The following GPD2 variants were observed in gnomAD, a reference collection of about 807,000 sequenced individuals.
The protein encoded by GPD2 is glycerol-3-phosphate dehydrogenase 2.
GPD2 carries 54 observed loss-of-function variants against 82.4 expected under a neutral mutation model. That is an observed-to-expected ratio of 0.66 (90% confidence interval 0.53 to 0.82). The LOEUF (loss-of-function observed/expected upper bound fraction) is 0.82, where lower values mean the gene tolerates loss of function less well. Among genes scored for constraint, GPD2 ranks in the 40% least tolerant of loss-of-function variants. The probability of loss-of-function intolerance (pLI) is 0.00; values close to 1 mark genes in which losing one functional copy is unlikely to be tolerated. For missense variants in GPD2, 748 were observed against 896.2 expected (o/e 0.83, Z 2.11); for synonymous variants, 288 against 306.1 (o/e 0.94, Z 0.62).
chr2:156,455,052 A>G (rs960982066), intron 1 of GPD2, among the ~76,000 whole-genome samples: 29 of 151,872 alleles, frequency 1.9e-4, no homozygotes, highest in African/African-American at 7.0e-4. Flanking sequence ...TGTTTGAAGG[A>G]CTAAGGACTG....
In GPD2 at chr2:156,446,610, T is replaced by A. The variant is rs939655091; in HGVS notation, c.-9+10097T>A. Among the ~76,000 whole-genome samples the A allele has an allele frequency of 2.6e-5, 4 of 151,712 alleles. No individual in the cohort carries two copies. In the East Asian group the frequency reaches 7.8e-4, roughly 30 times the overall value. On this transcript the variant is annotated intron_variant, in intron 1 of 16. Transcript: ENST00000438166. ...TTTTTTTTAAGATGGAGTCTGGCTC[T>A]GGCACCCAGGCTGGAATGCAGTGGC...
chr2:156,421,951 A>C, the GPD2 span, among the ~76,000 whole-genome samples: 1 of 152,132 alleles, frequency 6.6e-6, no homozygotes, highest in African/African-American at 2.4e-5. Flanking sequence ...CATAGTGAGA[A>C]CCCATCTCTA....
chr2:156,508,833 T>C (rs931557956), intron 3 of GPD2, among the ~76,000 whole-genome samples: 4 of 152,164 alleles, frequency 2.6e-5, no homozygotes, highest in African/African-American at 4.8e-5. Context: ...ATTTGCAGAT[T>C]TAATTTTTCT....
At position 156,579,573 on chromosome 2, in the gene GPD2, C is replaced by A. The variant is rs1687955017; in HGVS notation, c.1960-117C>A. Reference sequence around the variant, plus strand: ...TCTCGAACTCCTGACCTCAACTAATCTGCCTGCCTTGGCCTCCCAAAGTGC... The same window carrying A: ...TCTCGAACTCCTGACCTCAACTAATATGCCTGCCTTGGCCTCCCAAAGTGC... On this transcript the variant is annotated intron_variant, in intron 15 of 16. Coordinates refer to ENST00000438166, the MANE Select transcript of GPD2 (RefSeq NM_000408.5). The A allele has an allele frequency of 5.9e-6, 4 of 678,454 alleles. No individual in the cohort carries two copies. In the East Asian group the frequency reaches 1.1e-4, roughly 19 times the overall value. 42.0% of individuals were successfully genotyped at this position (678,454 alleles called of 1,614,324 possible). A position where few individuals can be genotyped will look rare whatever the true frequency, so the allele number is the denominator to read the frequency against.
Position 156,570,162 on chromosome 2 carries a change from A to G in GPD2, c.1552A>G (p.Arg518Gly). The G allele has an allele frequency of 1.9e-6, 3 of 1,612,832 alleles. No individual in the cohort carries two copies. The highest frequency in any genetic ancestry group is 2.5e-6 in the Non-Finnish European group (3 of 1,179,138). ...VAKMASVTGKRWPIVGVRLVS... is the reference protein window; with the variant it reads ...VAKMASVTGKGWPIVGVRLVS... ...CAAAATGGCAAGTGTGACTGGCAAAAGGTGGCCTATTGTTGGAGTACGTCT... is the reference window on the plus strand; with the variant it reads ...CAAAATGGCAAGTGTGACTGGCAAAGGGTGGCCTATTGTTGGAGTACGTCT... The change falls in exon 12 of 17, where the codon AGG becomes GGG. Residue 518 changes from arginine (R) to glycine (G), a missense_variant. Arg to Gly is a moderately radical substitution (Grantham distance 125). Around this residue, in one of 3 missense-constraint regions of GPD2, gnomAD observed 692 missense variants for 809.7 expected, o/e 0.85. Coordinates refer to ENST00000438166, the MANE Select transcript of GPD2 (RefSeq NM_000408.5).
rs151328230 is a variant in GPD2 at position 156,468,540 on chromosome 2, CA to C, written c.-8-7554del. ...AGGAGCATTTGCTACCTTTGGACCACAAAAGGCTTAGGTAAAGGGCTTAGTG... is the reference window on the plus strand; with the variant it reads ...AGGAGCATTTGCTACCTTTGGACCACAAAGGCTTAGGTAAAGGGCTTAGTG... On this transcript the variant is annotated intron_variant, in intron 1 of 16. Coordinates refer to ENST00000438166, the MANE Select transcript of GPD2 (RefSeq NM_000408.5). Among the ~76,000 whole-genome samples the C allele has an allele frequency of 8.6e-3, 1,302 of 152,228 alleles. 23 individuals carry two copies. The highest frequency in any genetic ancestry group is 0.03 in the African/African-American group (1,241 of 41,516).
the GPD2 span, among the ~76,000 whole-genome samples, chr2:156,426,664 G>C: frequency 6.6e-6 from 1 of 152,278 alleles, no homozygotes; most frequent in South Asian, 2.1e-4. Flanking sequence ...GAAGGAACTA[G>C]GATGTGCGGA....
the GPD2 span, among the ~76,000 whole-genome samples, chr2:156,415,875 G>GCCT: frequency 1.0e-5 from 1 of 99,830 alleles, no homozygotes; most frequent in African/African-American, 2.9e-5. Context: ...AAATAAAATA[G>GCCT]CCGGGCGTAG....
intron 1 of GPD2, among the ~76,000 whole-genome samples, chr2:156,449,946 G>T (rs1442073531): frequency 2.0e-5 from 3 of 151,804 alleles, no homozygotes; most frequent in African/African-American, 7.3e-5. Context: ...GGGAGGTGGA[G>T]GTTGCAGTGA....
intron 6 of GPD2, among the ~76,000 whole-genome samples, chr2:156,535,347 GAA>G (rs1236177518): frequency 6.2e-4 from 72 of 116,722 alleles, no homozygotes; most frequent in African/African-American, 2.1e-3. Flanking sequence ...AGAAGAGAGA[GAA>G]AGAAAGAAAG....
intron 3 of GPD2, among the ~76,000 whole-genome samples, chr2:156,505,621 C>T (rs1449951562): frequency 6.6e-6 from 1 of 152,136 alleles, no homozygotes; most frequent in Non-Finnish European, 1.5e-5. Context: ...CCCTTCCCTG[C>T]CTGTAATGTA....
chr2:156,529,137 G>C (rs1471623947), intron 6 of GPD2, among the ~76,000 whole-genome samples: 11 of 148,354 alleles, frequency 7.4e-5, no homozygotes, highest in South Asian at 4.4e-4. Flanking sequence ...ATTCTAACTG[G>C]TGTGAGATGG....
the GPD2 span, among the ~76,000 whole-genome samples, chr2:156,424,336 AG>A: frequency 7.2e-5 from 11 of 152,254 alleles, no homozygotes; most frequent in Admixed American, 4.6e-4. Context: ...ATCTTAAGTG[AG>A]GAGGTTTAAT....
the GPD2 span, among the ~76,000 whole-genome samples, chr2:156,420,834 A>G: frequency 2.0e-5 from 3 of 152,218 alleles, no homozygotes; most frequent in African/African-American, 7.2e-5. Context: ...TATATGCCAC[A>G]GGATGCTAGA....
At chr2:156,453,693 A>G (rs1682693402) in intron 1 of GPD2, among the ~76,000 whole-genome samples, 1 of 152,156 alleles carries the variant, frequency 6.6e-6, no homozygotes, top group South Asian at 2.1e-4. Flanking sequence ...CCTGGCTAAC[A>G]TGGCAAAACC....
intron 1 of GPD2, among the ~76,000 whole-genome samples, chr2:156,455,275 G>A (rs1283492612): frequency 1.3e-5 from 2 of 152,268 alleles, no homozygotes; most frequent in East Asian, 3.9e-4. Flanking sequence ...GGAAAATTAG[G>A]AATGAGAGAA....
the GPD2 span, among the ~76,000 whole-genome samples, chr2:156,409,982 G>C: frequency 6.6e-6 from 1 of 152,102 alleles, no homozygotes; most frequent in Non-Finnish European, 1.5e-5. Flanking sequence ...GGAATTTGAG[G>C]CTACAGTGTG....
At chr2:156,417,955 G>T in the GPD2 span, among the ~76,000 whole-genome samples, 2 of 152,268 alleles carry the variant, frequency 1.3e-5, no homozygotes, top group South Asian at 4.1e-4. Flanking sequence ...CATGGCTCAC[G>T]CCTCTAATCT....
Position 156,513,364 on chromosome 2 carries a change from A to G in GPD2, c.529A>G (p.Ile177Val), listed in dbSNP as rs1003712146. Residue 177 changes from isoleucine (I) to valine (V), a missense_variant, in exon 6 of 17, where the codon ATC becomes GTC. By Grantham distance (29) the Ile-to-Val change is conservative (BLOSUM62 3). Transcript: ENST00000438166. Reference sequence around the variant, plus strand: ...GCAGTTACCTTACTACTGGGTAGGAATCAAGCTGTATGATTTGGTTGCAGG... The same window carrying G: ...GCAGTTACCTTACTACTGGGTAGGAGTCAAGCTGTATGATTTGGTTGCAGG... ...WWQLPYYWVG[I>V]KLYDLVAGSN... 6 of 1,611,932 alleles carry G rather than the reference A, an allele frequency of 3.7e-6. No homozygotes were observed. The Admixed American group carries it at 8.3e-5, about 22-fold the overall frequency.
Sources: gnomAD v4.1 joint callset for allele counts (sites outside exome capture counted in the v4.1 genomes callset) on GRCh38, gnomAD v4.1.1 for gene constraint, gnomAD v4.1.1 regional missense constraint, MANE v1.5 for transcripts, NCBI Gene and HGNC (gene_info 2026-07-23, HGNC 2026-07-21) for gene names.